TSHZ3: variants seen among roughly 807,000 people sequenced by gnomAD.
The protein encoded by TSHZ3 is teashirt zinc finger homeobox 3, also known as teashirt homolog 3.
In TSHZ3, 10 loss-of-function variants were observed where a neutral mutation model predicts 64.5. That is an observed-to-expected ratio of 0.16 (90% CI 0.10 to 0.26). The LOEUF (loss-of-function observed/expected upper bound fraction) is 0.26. Among genes scored for constraint, TSHZ3 ranks in the 10% least tolerant of loss-of-function variants. TSHZ3 has a pLI of 1.00. For missense variants in TSHZ3, 1,242 were observed against 1,421.7 expected (o/e 0.87, Z 2.03); for synonymous variants, 608 against 593.1 (o/e 1.03, Z -0.36).
intron 1 of TSHZ3, among the ~76,000 whole-genome samples, chr19:31,246,584 A>G (rs1383661288): frequency 6.6e-6 from 1 of 152,126 alleles, no homozygotes; most frequent in East Asian, 1.9e-4. Context: ...ATAAGTAAAA[A>G]CTCATGGTTT....
Position 31,176,199 on chromosome 19 carries a change from G to A in TSHZ3, n.810-19782C>T, listed in dbSNP as rs187811806. On this transcript the variant is annotated intron_variant and non_coding_transcript_variant, in intron 5 of 6. Transcript: ENST00000651361. ...AATCCAGCCCAGGGGACATCCAGGA[G>A]AGAGGCTTGGCTGGACCCACCAGCA... Among the ~76,000 whole-genome samples the A allele has an allele frequency of 1.6e-3, 248 of 152,298 alleles. 2 individuals carry two copies. The highest frequency in any genetic ancestry group is 5.6e-3 in the African/African-American group (234 of 41,574).
At chr19:31,235,651 T>C (rs892300246) in intron 3 of TSHZ3, among the ~76,000 whole-genome samples, 5 of 105,366 alleles carry the variant, frequency 4.7e-5, no homozygotes, top group South Asian at 2.9e-4. Flanking sequence ...TCTTTCTTTC[T>C]ATTTCTTTCT....
chr19:31,274,726 C>T (rs186407688), downstream of TSHZ3, among the ~76,000 whole-genome samples: 71 of 151,966 alleles, frequency 4.7e-4, no homozygotes, highest in Middle Eastern at 3.4e-3. Flanking sequence ...TGTTTATTCT[C>T]GGTGCAGATC....
intron 5 of TSHZ3, among the ~76,000 whole-genome samples, chr19:31,174,625 GT>G (rs1974582774): frequency 6.6e-6 from 1 of 152,118 alleles, no homozygotes; most frequent in Non-Finnish European, 1.5e-5. Flanking sequence ...CTATTTATGG[GT>G]TTGTCTTCTC....
At position 31,276,311 on chromosome 19, in the gene TSHZ3, C is replaced by T; in HGVS notation, c.*236G>A. On this transcript the variant is annotated 3_prime_UTR_variant, in exon 2 of 2. Transcript: ENST00000240587. Reference sequence around the variant, plus strand: ...GATGCTCACAACTAAATCCCGTTTACACAAAGTTCCAAACACTTACCACTG... The same window carrying T: ...GATGCTCACAACTAAATCCCGTTTATACAAAGTTCCAAACACTTACCACTG... The T allele has an allele frequency of 2.7e-6, 1 of 375,028 alleles. No homozygotes were observed. The highest frequency in any genetic ancestry group is 4.7e-6 in the Non-Finnish European group (1 of 210,694). 23.2% of individuals were successfully genotyped at this position (375,028 alleles called of 1,614,324 possible).
chr19:31,170,332 G>T (rs1227712079), intron 5 of TSHZ3, among the ~76,000 whole-genome samples: 33 of 151,966 alleles, frequency 2.2e-4, no homozygotes, highest in Admixed American at 2.2e-3. Flanking sequence ...TCCTTATAAG[G>T]GCACTAATCT....
intron 1 of TSHZ3, among the ~76,000 whole-genome samples, chr19:31,332,061 A>G (rs919676202): frequency 6.6e-6 from 1 of 152,212 alleles, no homozygotes; most frequent in Non-Finnish European, 1.5e-5. Context: ...TTCCATTCAC[A>G]AAAAGTATGC....
chr19:31,178,369 T>TAAC (rs1418470253), intron 5 of TSHZ3, among the ~76,000 whole-genome samples: 2 of 152,164 alleles, frequency 1.3e-5, no homozygotes, highest in Non-Finnish European at 2.9e-5. Context: ...GATCTATCCT[T>TAAC]AACAGTCCAT....
chr19:31,176,380 G>A (rs1974606784), intron 5 of TSHZ3, among the ~76,000 whole-genome samples: 1 of 152,204 alleles, frequency 6.6e-6, no homozygotes, highest in Non-Finnish European at 1.5e-5. Flanking sequence ...TCAGTGAGAA[G>A]TGATCTGAAA....
chr19:31,316,694 T>C (rs1015967127), intron 1 of TSHZ3, among the ~76,000 whole-genome samples: 1 of 151,810 alleles, frequency 6.6e-6, no homozygotes, highest in Non-Finnish European at 1.5e-5. Flanking sequence ...GGAGGGGCTG[T>C]TAGGGAAGGA....
At chr19:31,257,714 G>T (rs1452552377) in intron 1 of TSHZ3, among the ~76,000 whole-genome samples, 32 of 152,226 alleles carry the variant, frequency 2.1e-4, no homozygotes, top group Admixed American at 2.1e-3. Context: ...TGGGGAAGAC[G>T]CGAGGGGCTT....
At position 31,277,197 on chromosome 19, in the gene TSHZ3, A is replaced by G. The variant is rs749918716; in HGVS notation, c.2596T>C (p.Ser866Pro). 10 of 1,614,006 alleles carry G rather than the reference A, an allele frequency of 6.2e-6. No individual in the cohort carries two copies. The South Asian group carries it at 1.1e-4, about 18-fold the overall frequency. Residue 866 changes from serine (S) to proline (P), a missense_variant, in exon 2 of 2, where the codon TCC (serine) becomes CCC (proline). Transcript: ENST00000240587. The surrounding 1 kb of genome is among the most constrained non-coding windows in gnomAD (Gnocchi z 4.5). ...ESHTSKSSTP[S>P]SISEKSDIDG... is the part of the protein sequence containing the mutation. ...ATGTCAGACTTCTCGGAGATGCTGG[A>G]AGGAGTGGAGGATTTTGACGTGTGG... is the stretch of plus-strand genomic sequence containing the variant.
chr19:31,302,229 TC>T (rs1184423636), intron 1 of TSHZ3, among the ~76,000 whole-genome samples: 2 of 151,968 alleles, frequency 1.3e-5, no homozygotes, highest in African/African-American at 4.8e-5. Flanking sequence ...TGCCAACACT[TC>T]CCAAGGGCTC....
intron 1 of TSHZ3, among the ~76,000 whole-genome samples, chr19:31,248,569 C>T (rs572413822): frequency 1.1e-3 from 165 of 151,658 alleles, no homozygotes; most frequent in Non-Finnish European, 1.8e-3. Flanking sequence ...AGCACTTGGG[C>T]CCAGGAGTTC....
At chr19:31,157,180 T>C (rs1460785787) in intron 5 of TSHZ3, among the ~76,000 whole-genome samples, 1 of 152,156 alleles carries the variant, frequency 6.6e-6, no homozygotes, top group African/African-American at 2.4e-5. Context: ...AAATGTGTTC[T>C]AGTGGTGCTT....
chr19:31,159,659 T>C (rs79089673), intron 5 of TSHZ3, among the ~76,000 whole-genome samples: 1 of 152,172 alleles, frequency 6.6e-6, no homozygotes, highest in Non-Finnish European at 1.5e-5. Context: ...GAATGTTAAT[T>C]GAAAGAAAAT....
intron 1 of TSHZ3, among the ~76,000 whole-genome samples, chr19:31,313,216 C>T (rs1022780942): frequency 7.2e-5 from 11 of 152,172 alleles, no homozygotes; most frequent in African/African-American, 2.7e-4. Flanking sequence ...AGCATTTCCA[C>T]ACCCGAGATT....
intron 4 of TSHZ3, among the ~76,000 whole-genome samples, chr19:31,220,571 T>G (rs1975383805): frequency 6.6e-6 from 1 of 152,236 alleles, no homozygotes. Context: ...TCTCTCATTT[T>G]TATTTCATTT....
At chr19:31,229,339 T>C (rs542084832) in intron 3 of TSHZ3, among the ~76,000 whole-genome samples, 5 of 152,292 alleles carry the variant, frequency 3.3e-5, no homozygotes, top group Middle Eastern at 3.4e-3. Context: ...TAGAATGTTA[T>C]TGGACCAAGG....
Sources: gnomAD v4.1 joint callset for allele counts (sites outside exome capture counted in the v4.1 genomes callset) on GRCh38, gnomAD v4.1.1 for gene constraint, Gnocchi (gnomAD v3.1) non-coding constraint, MANE v1.5 for transcripts, NCBI Gene and HGNC (gene_info 2026-07-23, HGNC 2026-07-21) for gene names.